ASXL3: variants seen among roughly 807,000 people sequenced by gnomAD.
The protein encoded by ASXL3 is ASXL transcriptional regulator 3, also known as putative Polycomb group protein ASXL3.
Under a neutral mutation model 170.6 loss-of-function variants are expected in ASXL3, and 34 were observed. The observed-to-expected ratio is 0.20, with a 90% CI of 0.15 to 0.27. ASXL3 has a LOEUF of 0.27. Ranked by LOEUF, ASXL3 falls within the 10% of genes least tolerant of loss-of-function variation. The pLI, the probability that ASXL3 is intolerant of heterozygous loss-of-function variation, is 1.00. For synonymous variants in ASXL3, 1,002 were observed against 989.1 expected (o/e 1.01, Z -0.24); for missense variants, 2,592 against 2,695.3 (o/e 0.96, Z 0.85).
chr18:33,668,115 T>G (rs2066286656), intron 5 of ASXL3, among the ~76,000 whole-genome samples: 1 of 152,166 alleles, frequency 6.6e-6, no homozygotes, highest in Non-Finnish European at 1.5e-5. Context: ...CCTTAACCAC[T>G]GCATCACACT....
At chr18:33,681,304 C>A (rs767347985) in intron 7 of ASXL3, among the ~76,000 whole-genome samples, 5 of 152,156 alleles carry the variant, frequency 3.3e-5, no homozygotes, top group Non-Finnish European at 7.4e-5. Flanking sequence ...GCCTCTGCAA[C>A]CATTGCATTT....
chr18:33,740,134 A>G lies in ASXL3; in HGVS notation c.2730A>G (p.Ser910=). The part of the protein sequence containing the change: ...AKLQDKQYIS[S]VDKAPFSEGS... ...TACAGGACAAGCAATATATCTCATC[A>G]GTGGATAAGGCTCCATTTTCAGAAG... Residue 910 remains serine, a synonymous_variant, in exon 11 of 12, where the codon TCA becomes TCG. Transcript: ENST00000269197. 6.2e-7 allele frequency: 1 copy of G among 1,613,954 alleles called. No individual in the cohort carries two copies. Among genetic ancestry groups the G allele is most frequent in the East Asian group, 2.2e-5 (1 of 44,882 alleles).
rs1333324218 is a variant in ASXL3, at chr18:33,747,416, A to G, written c.*821A>G. 1 of 151,614 alleles carries G rather than the reference A, an allele frequency of 6.6e-6. No individual in the cohort carries two copies. Among genetic ancestry groups the G allele is most frequent in the East Asian group, 1.9e-4 (1 of 5,198 alleles). 9.4% of individuals were successfully genotyped at this position (151,614 alleles called of 1,614,324 possible). On this transcript the variant is annotated 3_prime_UTR_variant, in exon 12 of 12. Transcript: ENST00000269197. ...TGTGGCTTTTAAGAGCAGGTTTGAA[A>G]AAAAAAAAAAAAAGACCCTAAACTT...
Position 33,615,092 on chromosome 18 carries a change from C to T in ASXL3, c.137+7416C>T, listed in dbSNP as rs543785237. 2.6e-5 allele frequency among the ~76,000 whole-genome samples: 4 copies of T among 152,180 alleles called. No individual in the cohort carries two copies. The South Asian group carries it at 8.3e-4, about 32-fold the overall frequency. ...AGCAAACCTTGACTTCACCTCTCTA[C>T]CTATGAAAGTCCTAGATGGCATTTT... On this transcript the variant is annotated intron_variant, in intron 2 of 11. Transcript: ENST00000269197.
intron 7 of ASXL3, among the ~76,000 whole-genome samples, chr18:33,682,351 T>C (rs1486459213): frequency 2.0e-5 from 3 of 152,178 alleles, no homozygotes; most frequent in Non-Finnish European, 2.9e-5. Flanking sequence ...TTATCGTAGC[T>C]CAAGTAACAG....
At chr18:33,659,215 T>TA (rs2066133118) in intron 4 of ASXL3, among the ~76,000 whole-genome samples, 1 of 152,052 alleles carries the variant, frequency 6.6e-6, no homozygotes, top group South Asian at 2.1e-4. Flanking sequence ...CAGAATTTGT[T>TA]ATTATTTAAT....
chr18:33,630,476 C>T (rs2065661094), intron 2 of ASXL3, among the ~76,000 whole-genome samples: 1 of 151,474 alleles, frequency 6.6e-6, no homozygotes, highest in African/African-American at 2.4e-5. Context: ...GGACAAAGTA[C>T]CTTGAGAATA....
intron 10 of ASXL3, among the ~76,000 whole-genome samples, chr18:33,736,382 C>G (rs2067548213): frequency 6.6e-6 from 1 of 152,050 alleles, no homozygotes; most frequent in Non-Finnish European, 1.5e-5. Context: ...CTTTTGTGCT[C>G]TCACATCACT....
chr18:33,735,030 T>C (rs1456572772), intron 10 of ASXL3, among the ~76,000 whole-genome samples: 1 of 152,194 alleles, frequency 6.6e-6, no homozygotes, highest in Non-Finnish European at 1.5e-5. Flanking sequence ...ACATTCTGCT[T>C]TGGCAATATT....
rs1358459964 is a variant in ASXL3 at position 33,624,008 on chromosome 18, A to AG, written c.137+16332_137+16333insG. ...ACCCCTTATGTACAAAATAAAAAAA[A>AG]CCAGCCAGGTGTGATTGTGCATACC... On this transcript the variant is annotated intron_variant, in intron 2 of 11. Transcript: ENST00000269197. 2.6e-5 allele frequency among the ~76,000 whole-genome samples: 4 copies of AG among 152,120 alleles called. No homozygotes were observed. The East Asian group carries it at 7.7e-4, about 29-fold the overall frequency.
At chr18:33,647,929 G>A (rs1037051731) in intron 4 of ASXL3, among the ~76,000 whole-genome samples, 3 of 151,976 alleles carry the variant, frequency 2.0e-5, no homozygotes, top group Non-Finnish European at 2.9e-5. Flanking sequence ...AGGCATTCAG[G>A]GGAGAGAACT....
At chr18:33,603,953 C>G (rs2145117728) in intron 1 of ASXL3, among the ~76,000 whole-genome samples, 1 of 152,130 alleles carries the variant, frequency 6.6e-6, no homozygotes, top group South Asian at 2.1e-4. Flanking sequence ...TACAATCTTC[C>G]TGGCAGTGCT....
intron 2 of ASXL3, among the ~76,000 whole-genome samples, chr18:33,620,123 CT>C (rs1390222493): frequency 2.2e-4 from 33 of 152,116 alleles, no homozygotes; most frequent in Non-Finnish European, 7.4e-5. Context: ...TCACCCTTTC[CT>C]TTTTATTTTT....
intron 8 of ASXL3, among the ~76,000 whole-genome samples, chr18:33,711,941 A>G (rs2067072490): frequency 6.6e-6 from 1 of 152,194 alleles, no homozygotes; most frequent in Non-Finnish European, 1.5e-5. Flanking sequence ...AAAATATGCA[A>G]TCTTTATTTC....
intron 7 of ASXL3, among the ~76,000 whole-genome samples, chr18:33,678,593 T>C (rs2066466437): frequency 6.6e-6 from 1 of 152,218 alleles, no homozygotes; most frequent in East Asian, 1.9e-4. Context: ...TCAGGTGTCT[T>C]CTTGTATAGC....
intron 8 of ASXL3, among the ~76,000 whole-genome samples, chr18:33,687,485 T>C (rs7233908): frequency 0.57 from 86,153 of 151,950 alleles, 25,069 homozygotes; most frequent in East Asian, 0.9. Flanking sequence ...CTCCTCTCTT[T>C]CTTGTTTTCC....
chr18:33,728,696 C>A (rs1219382641), intron 8 of ASXL3, among the ~76,000 whole-genome samples: 1 of 152,116 alleles, frequency 6.6e-6, no homozygotes, highest in Non-Finnish European at 1.5e-5. Context: ...CTTCTTAATC[C>A]TGAAGACCTT....
At chr18:33,587,333 C>T (rs1195102973) in intron 1 of ASXL3, among the ~76,000 whole-genome samples, 1 of 152,140 alleles carries the variant, frequency 6.6e-6, no homozygotes, top group Non-Finnish European at 1.5e-5. Flanking sequence ...TAAAACACAT[C>T]AAACTAGTTA....
intron 1 of ASXL3, among the ~76,000 whole-genome samples, chr18:33,586,007 A>G (rs948796183): frequency 3.3e-5 from 5 of 152,178 alleles, no homozygotes; most frequent in Non-Finnish European, 5.9e-5. Context: ...AATCATAATT[A>G]TTTATGACTT....
Sources: gnomAD v4.1 joint callset for allele counts (sites outside exome capture counted in the v4.1 genomes callset) on GRCh38, gnomAD v4.1.1 for gene constraint, MANE v1.5 for transcripts, NCBI Gene and HGNC (gene_info 2026-07-23, HGNC 2026-07-21) for gene names.